Variants in DOK6 observed in about 807,000 individuals in gnomAD.
DOK6 encodes docking protein 6, also known as downstream of tyrosine kinase 6.
Under a neutral mutation model 44.0 loss-of-function variants are expected in DOK6, and 22 were observed. That is an observed-to-expected ratio of 0.50 (90% CI 0.36 to 0.71). The LOEUF is 0.71. DOK6 is among the 30% of genes least tolerant of loss of function. The pLI, the probability that DOK6 is intolerant of heterozygous loss-of-function variation, is 0.00. For missense variants in DOK6, 340 were observed against 416.4 expected, an observed-to-expected ratio of 0.82 and a Z score of 1.60; for synonymous variants, 166 against 145.5, an observed-to-expected ratio of 1.14 and a Z score of -1.01.
intron 5 of DOK6, among the ~76,000 whole-genome samples, chr18:69,731,611 C>T (rs904853299): frequency 3.3e-5 from 5 of 151,856 alleles, no homozygotes; most frequent in African/African-American, 7.3e-5. Flanking sequence ...AAGAGGAATA[C>T]GAATATAATT....
chr18:69,820,113 G>T (rs1436866801), intron 7 of DOK6, among the ~76,000 whole-genome samples: 1 of 152,126 alleles, frequency 6.6e-6, no homozygotes, highest in South Asian at 2.1e-4. Flanking sequence ...GACATATAGT[G>T]TGTATGTTTA....
intron 1 of DOK6, among the ~76,000 whole-genome samples, chr18:69,410,777 A>G (rs1380013859): frequency 2.0e-5 from 3 of 152,176 alleles, no homozygotes; most frequent in East Asian, 3.8e-4. Context: ...GGCTATTTAA[A>G]TTGTACTTAA....
intron 3 of DOK6, among the ~76,000 whole-genome samples, chr18:69,606,132 CGTG>C (rs1369103929): frequency 6.6e-6 from 1 of 151,636 alleles, no homozygotes; most frequent in Non-Finnish European, 1.5e-5. Context: ...ATTAGCCGGG[CGTG>C]GTGGTGCATG....
rs753102854 is a variant in DOK6 at position 69,718,192 on chromosome 18, A to G, written c.599+19599A>G. ...CCTATTCTTGCATTTGAAATTCCCT[A>G]AGCAACCAAAGTAATTTTGAATGGG... is the stretch of plus-strand genomic sequence containing the variant. On this transcript the variant is annotated intron_variant, in intron 5 of 7. Coordinates refer to ENST00000382713, the MANE Select transcript of DOK6 (RefSeq NM_152721.6). Among the ~76,000 whole-genome samples, 24 of 152,254 alleles carry G rather than the reference A, an allele frequency of 1.6e-4. 1 individual carries two copies. The South Asian group carries it at 3.5e-3, about 22-fold the overall frequency.
chr18:69,487,806 G>A (rs1980625295), intron 1 of DOK6, among the ~76,000 whole-genome samples: 1 of 152,176 alleles, frequency 6.6e-6, no homozygotes, highest in Non-Finnish European at 1.5e-5. Context: ...GTTTCAGGGA[G>A]CATCTTGCTT....
chr18:69,513,569 G>C (rs1435215882), intron 1 of DOK6, among the ~76,000 whole-genome samples: 1 of 152,136 alleles, frequency 6.6e-6, no homozygotes, highest in African/African-American at 2.4e-5. Flanking sequence ...TACCTGTTGG[G>C]TTTAAAACTA....
chr18:69,507,691 T>TTA (rs903109097), intron 1 of DOK6, among the ~76,000 whole-genome samples: 3 of 152,032 alleles, frequency 2.0e-5, no homozygotes, highest in African/African-American at 7.3e-5. Flanking sequence ...TCTTCATTGT[T>TTA]TATATATATA....
intron 7 of DOK6, among the ~76,000 whole-genome samples, chr18:69,776,723 T>C (rs1157562743): frequency 2.6e-5 from 4 of 151,996 alleles, no homozygotes; most frequent in Non-Finnish European, 5.9e-5. Flanking sequence ...TATCAATAAA[T>C]GATTTTATGT....
intron 7 of DOK6, among the ~76,000 whole-genome samples, chr18:69,807,739 G>A (rs1460437784): frequency 6.6e-6 from 1 of 151,674 alleles, no homozygotes. Flanking sequence ...TTCATCAAGA[G>A]AATACAATTG....
chr18:69,515,443 CTT>C (rs1269130280), intron 1 of DOK6, among the ~76,000 whole-genome samples: 3 of 152,184 alleles, frequency 2.0e-5, no homozygotes, highest in Non-Finnish European at 4.4e-5. Context: ...GGTCATCTGT[CTT>C]TGTTTTCCTT....
Position 69,841,443 on chromosome 18 carries a change from A to G in DOK6, c.*60A>G. On this transcript the variant is annotated 3_prime_UTR_variant, in exon 8 of 8. Coordinates refer to ENST00000382713, the MANE Select transcript of DOK6 (RefSeq NM_152721.6). ...CTGTCCTGGACCCGTCTGTGGGGTC[A>G]TTACCCTCTGCCTCCTGGAAGACCA... 6.3e-7 allele frequency: 1 copy of G among 1,599,102 alleles called. No individual in the cohort carries two copies. Among genetic ancestry groups the G allele is most frequent in the Non-Finnish European group, 8.5e-7 (1 of 1,170,204 alleles).
At chr18:69,580,821 C>A (rs757071159) in intron 2 of DOK6, among the ~76,000 whole-genome samples, 1 of 152,176 alleles carries the variant, frequency 6.6e-6, no homozygotes, top group Non-Finnish European at 1.5e-5. Context: ...AACAACTTCT[C>A]AATATTCCCC....
At chr18:69,716,374 T>C (rs1304234513) in intron 5 of DOK6, among the ~76,000 whole-genome samples, 3 of 152,262 alleles carry the variant, frequency 2.0e-5, no homozygotes, top group Non-Finnish European at 4.4e-5. Context: ...TAATATGCAA[T>C]TATTTTAAGC....
chr18:69,680,413 T>C (rs1439689473), intron 4 of DOK6, among the ~76,000 whole-genome samples: 1 of 152,222 alleles, frequency 6.6e-6, no homozygotes, highest in East Asian at 1.9e-4. Flanking sequence ...TGCACCCCCC[T>C]CTTTAAAGAA....
chr18:69,821,771 G>T (rs941979693), intron 7 of DOK6, among the ~76,000 whole-genome samples: 5 of 137,264 alleles, frequency 3.6e-5, no homozygotes, highest in Non-Finnish European at 3.1e-5. Context: ...TTTCATATTT[G>T]TTGATAGCAT....
At chr18:69,841,184 G>C in intron 7 of DOK6, 60 bp from the exon 8 acceptor site, 2 of 1,597,830 alleles carry the variant, frequency 1.3e-6, no homozygotes, top group Non-Finnish European at 1.7e-6. Flanking sequence ...ATGATAGATA[G>C]TGTATCTTTT....
At chr18:69,766,310 G>A (rs909507998) in intron 7 of DOK6, among the ~76,000 whole-genome samples, 1 of 152,172 alleles carries the variant, frequency 6.6e-6, no homozygotes, top group African/African-American at 2.4e-5. Flanking sequence ...CCACCCGGGT[G>A]ATGGGATCAG....
At position 69,691,874 on chromosome 18, in the gene DOK6, G is replaced by T. The variant is rs116650118; in HGVS notation, c.410-6530G>T. On this transcript the variant is annotated intron_variant, in intron 4 of 7. Coordinates refer to ENST00000382713, the MANE Select transcript of DOK6 (RefSeq NM_152721.6). ...AATCAAGGCACCTCCCCTTCAGGGA[G>T]CAGGGGAGATATCTGAGGTGTTGGG... Among the ~76,000 whole-genome samples, 761 of 152,312 alleles carry T rather than the reference G, an allele frequency of 5.0e-3. 4 individuals carry two copies. The highest frequency in any genetic ancestry group is 0.018 in the African/African-American group (745 of 41,574).
At chr18:69,564,987 T>A (rs1414330125) in intron 2 of DOK6, among the ~76,000 whole-genome samples, 1 of 152,184 alleles carries the variant, frequency 6.6e-6, no homozygotes, top group Non-Finnish European at 1.5e-5. Context: ...ATTGTTAACG[T>A]ATATGGCATT....
Sources: allele counts gnomAD v4.1 joint callset (sites outside exome capture counted in the v4.1 genomes callset), GRCh38; gene constraint gnomAD v4.1.1; transcripts MANE v1.5; gene names NCBI Gene and HGNC (gene_info 2026-07-23, HGNC 2026-07-21).